DPYSL3: variants seen among roughly 807,000 people sequenced by gnomAD.
The protein encoded by DPYSL3 is dihydropyrimidinase-related protein 3.
DPYSL3 carries 16 observed loss-of-function variants against 66.1 expected under a neutral mutation model. That is an observed-to-expected ratio of 0.24 (90% CI 0.16 to 0.37). DPYSL3 has a LOEUF of 0.37. Ranked by LOEUF, DPYSL3 falls within the 10% of genes least tolerant of loss-of-function variation. The probability of loss-of-function intolerance (pLI) is 1.00; values close to 1 mark genes in which losing one functional copy is unlikely to be tolerated. For missense variants in DPYSL3, 738 were observed against 916.2 expected (o/e 0.81, Z 2.51); for synonymous variants, 338 against 345.1 (o/e 0.98, Z 0.23).
intron 1 of DPYSL3, among the ~76,000 whole-genome samples, chr5:147,442,295 C>A (rs1233326949): frequency 6.6e-6 from 1 of 152,186 alleles, no homozygotes; most frequent in African/African-American, 2.4e-5. Context: ...GGTCCCAAGA[C>A]ACAGTGTACC....
At chr5:147,507,484 T>G (rs1007592441) in intron 1 of DPYSL3, among the ~76,000 whole-genome samples, 2 of 152,142 alleles carry the variant, frequency 1.3e-5, no homozygotes, top group African/African-American at 4.8e-5. Context: ...TTAAGGAGGT[T>G]TAGTGTATCA....
At chr5:147,508,800 G>C (rs1167027468) in intron 1 of DPYSL3, among the ~76,000 whole-genome samples, 3 of 152,168 alleles carry the variant, frequency 2.0e-5, no homozygotes, top group Non-Finnish European at 4.4e-5. Context: ...TTCTTGCAGA[G>C]GCAGCTGGAC....
chr5:147,402,819 C>T (rs1036395237), intron 8 of DPYSL3, among the ~76,000 whole-genome samples: 3 of 152,150 alleles, frequency 2.0e-5, no homozygotes, highest in African/African-American at 7.2e-5. Context: ...GGAATATACA[C>T]TGATCTAAGC....
At chr5:147,395,818 G>A (rs758406958) in intron 12 of DPYSL3, 97 bp from the exon 13 acceptor site, 29 of 1,384,482 alleles carry the variant, frequency 2.1e-5, no homozygotes, top group Admixed American at 9.0e-5. Context: ...GTGTGTGGTG[G>A]GAGCTAGGAA....
chr5:147,418,368 G>T, intron 3 of DPYSL3, 79 bp downstream of exon 3: 1 of 1,396,946 alleles, frequency 7.2e-7, no homozygotes, highest in Non-Finnish European at 9.7e-7. Flanking sequence ...ACAAGTTATA[G>T]TAAGAGAGTT....
chr5:147,439,660 C>A lies in DPYSL3; in HGVS notation c.382-14697G>T, dbSNP rs190127548. ...AATTTAGGGGTAGGCAAAGTGAAAC[C>A]ACAGAGAAAAGTTAGAAGAGTTCTT... On this transcript the variant is annotated intron_variant, in intron 1 of 13. Coordinates refer to ENST00000343218, the MANE Select transcript of DPYSL3 (RefSeq NM_001197294.2). 4.3e-3 allele frequency among the ~76,000 whole-genome samples: 653 copies of A among 152,086 alleles called. 8 individuals are homozygous for A. Among genetic ancestry groups the A allele is most frequent in the African/African-American group, 0.015 (611 of 41,480 alleles).
chr5:147,474,366 T>A (rs941995412), intron 1 of DPYSL3, among the ~76,000 whole-genome samples: 3 of 152,140 alleles, frequency 2.0e-5, no homozygotes, highest in Non-Finnish European at 4.4e-5. Context: ...TTAATAATAA[T>A]GATAATGATA....
At chr5:147,435,594 G>A (rs189279788) in intron 1 of DPYSL3, among the ~76,000 whole-genome samples, 113 of 152,204 alleles carry the variant, frequency 7.4e-4, no homozygotes, top group Middle Eastern at 3.4e-3. Context: ...CCTTTACTAT[G>A]TAGTAGCCCT....
At chr5:147,496,765 G>A (rs1322811168) in intron 1 of DPYSL3, among the ~76,000 whole-genome samples, 1 of 151,806 alleles carries the variant, frequency 6.6e-6, no homozygotes, top group African/African-American at 2.4e-5. Context: ...TGCTGGAGAG[G>A]ATGTGGAGAA....
intron 1 of DPYSL3, among the ~76,000 whole-genome samples, chr5:147,441,249 C>G (rs1752528539): frequency 6.6e-6 from 1 of 152,174 alleles, no homozygotes; most frequent in African/African-American, 2.4e-5. Flanking sequence ...AACTTATCTT[C>G]CCAAAGTTAT....
chr5:147,405,388 C>T (rs1410310098), intron 8 of DPYSL3, among the ~76,000 whole-genome samples: 1 of 152,216 alleles, frequency 6.6e-6, no homozygotes, highest in East Asian at 1.9e-4. Flanking sequence ...CAAGCTGTGT[C>T]ATCTTGGACA....
intron 1 of DPYSL3, among the ~76,000 whole-genome samples, chr5:147,487,059 C>A (rs1753345180): frequency 6.6e-6 from 1 of 152,120 alleles, no homozygotes; most frequent in South Asian, 2.1e-4. Flanking sequence ...TCCACCACTA[C>A]CTCTCTTTTT....
At chr5:147,486,232 T>C (rs1718257032) in intron 1 of DPYSL3, among the ~76,000 whole-genome samples, 1 of 152,236 alleles carries the variant, frequency 6.6e-6, no homozygotes, top group African/African-American at 2.4e-5. Context: ...AACTACATTG[T>C]TGTGATAATA....
chr5:147,436,148 C>T (rs1029369859), intron 1 of DPYSL3, among the ~76,000 whole-genome samples: 1 of 152,152 alleles, frequency 6.6e-6, no homozygotes, highest in Non-Finnish European at 1.5e-5. Context: ...GGCAAAGAAA[C>T]CAACTAAGGC....
intron 1 of DPYSL3, among the ~76,000 whole-genome samples, chr5:147,482,393 C>A (rs1394860342): frequency 6.6e-6 from 1 of 152,116 alleles, no homozygotes. Context: ...ATTATGACAC[C>A]AAATCCCATG....
At chr5:147,500,152 C>A (rs976573381) in intron 1 of DPYSL3, among the ~76,000 whole-genome samples, 2 of 152,054 alleles carry the variant, frequency 1.3e-5, no homozygotes, top group African/African-American at 4.8e-5. Context: ...TAGCACAATT[C>A]ATGAAATAAA....
At chr5:147,399,357 A>T in intron 10 of DPYSL3, 105 bp from the exon 11 acceptor site, 1 of 1,320,122 alleles carries the variant, frequency 7.6e-7, no homozygotes. Flanking sequence ...AGAAATACAA[A>T]AAGGAGCCAC....
At chr5:147,472,555 T>C (rs1049817305) in intron 1 of DPYSL3, 5 of 152,202 alleles carry the variant, frequency 3.3e-5, no homozygotes, top group Non-Finnish European at 7.4e-5. Context: ...TGAAAGGCTA[T>C]ATGAACACCA....
intron 1 of DPYSL3, among the ~76,000 whole-genome samples, chr5:147,437,146 A>G (rs1752427114): frequency 6.6e-6 from 1 of 152,198 alleles, no homozygotes; most frequent in Non-Finnish European, 1.5e-5. Flanking sequence ...CTGTGCCGTT[A>G]ATGGTACCCA....
Sources: gnomAD v4.1 joint callset for allele counts (sites outside exome capture counted in the v4.1 genomes callset) on GRCh38, gnomAD v4.1.1 for gene constraint, MANE v1.5 for transcripts, NCBI Gene and HGNC (gene_info 2026-07-23, HGNC 2026-07-21) for gene names.